Variants in ABCA13 observed in about 807,000 individuals in gnomAD.
ABCA13 encodes ATP binding cassette subfamily A member 13.
Under a neutral mutation model 478.7 loss-of-function variants are expected in ABCA13, and 476 were observed. The ratio of observed to expected loss-of-function variants is 0.99; its 90% CI spans 0.92 to 1.07. The LOEUF is 1.07. ABCA13 is among the 50% of genes least tolerant of loss of function. The pLI is 0.00. For missense variants in ABCA13, 6,060 were observed against 5,910.6 expected (o/e 1.03, Z -0.83); for synonymous variants, 2,252 against 2,158.9 (o/e 1.04, Z -1.20).
chr7:48,506,032 A>G (rs1442426428), intron 48 of ABCA13, among the ~76,000 whole-genome samples: 2 of 152,216 alleles, frequency 1.3e-5, no homozygotes, highest in African/African-American at 4.8e-5. Flanking sequence ...AACATAGGCT[A>G]TGGGATACTT....
At chr7:48,376,800 CA>C (rs1813552180) in intron 35 of ABCA13, among the ~76,000 whole-genome samples, 1 of 152,068 alleles carries the variant, frequency 6.6e-6, no homozygotes, top group South Asian at 2.1e-4. Flanking sequence ...ATGAAATTAG[CA>C]TGAAAACTCA....
intron 35 of ABCA13, 127 bp downstream of exon 35, chr7:48,376,699 T>C (rs2129036238): frequency 1.8e-6 from 2 of 1,111,108 alleles, no homozygotes; most frequent in Non-Finnish European, 2.5e-6. Flanking sequence ...TTAGGATATA[T>C]ATTTAAAAGG....
rs1796156718 is a variant in ABCA13, at chr7:48,275,331, A to G, written c.5665A>G (p.Ile1889Val). The G allele has an allele frequency of 6.2e-7, 1 of 1,613,964 alleles. No homozygotes were observed. Among genetic ancestry groups the G allele is most frequent in the Non-Finnish European group, 8.5e-7 (1 of 1,179,882 alleles). The change falls in exon 17 of 62, where the codon ATA (isoleucine) becomes GTA (valine). Residue 1889 changes from isoleucine to valine, a missense_variant. By Grantham distance (29) the Ile-to-Val change is conservative. Around this residue, in one of 3 missense-constraint regions of ABCA13, gnomAD observed 4,423 missense variants for 4,309.1 expected, o/e 1.03. Transcript: ENST00000435803. ...GGAAATAACTAGGAAAGTGGTCTGC[A>G]TAATTCATGAATTAGTGGACTGGAA... ...RMEITRKVVCIIHELVDWNSI... is the reference protein window; with the variant it reads ...RMEITRKVVCVIHELVDWNSI...
At chr7:48,257,835 G>C (rs1793621256) in intron 15 of ABCA13, among the ~76,000 whole-genome samples, 1 of 152,180 alleles carries the variant, frequency 6.6e-6, no homozygotes, top group South Asian at 2.1e-4. Context: ...GAGTTAGGGA[G>C]GGGTCCCTCC....
intron 1 of ABCA13, among the ~76,000 whole-genome samples, chr7:48,178,975 CTAATAATAATAATAATAATAATAA>C (rs369219799): frequency 7.0e-6 from 1 of 142,076 alleles, no homozygotes; most frequent in Non-Finnish European, 1.5e-5. Flanking sequence ...AAAACAAAAA[CTAATAATAATAATAATAATAATAA>C]TAATAATAAT....
At chr7:48,532,819 A>T (rs937927851) in intron 55 of ABCA13, among the ~76,000 whole-genome samples, 4 of 151,784 alleles carry the variant, frequency 2.6e-5, no homozygotes, top group Non-Finnish European at 5.9e-5. Context: ...ATTGAATAGT[A>T]TTTTTTATTT....
At chr7:48,257,986 C>T (rs113009585) in intron 15 of ABCA13, among the ~76,000 whole-genome samples, 4,518 of 152,160 alleles carry the variant, frequency 0.03, 219 homozygotes, top group African/African-American at 0.1. Flanking sequence ...TGAAGTGATG[C>T]AGTCGAGGCT....
At chr7:48,222,670 T>C (rs1157148509) in intron 5 of ABCA13, among the ~76,000 whole-genome samples, 2 of 152,304 alleles carry the variant, frequency 1.3e-5, no homozygotes, top group Middle Eastern at 3.4e-3. Flanking sequence ...ATGTTTGCGA[T>C]GTAAAAACAT....
chr7:48,251,286 T>C (rs1364649871), intron 15 of ABCA13, among the ~76,000 whole-genome samples: 1 of 152,214 alleles, frequency 6.6e-6, no homozygotes, highest in Non-Finnish European at 1.5e-5. Flanking sequence ...CAGAGAGTGA[T>C]ATGCAATAGT....
At chr7:48,421,178 T>C (rs1820693134) in intron 41 of ABCA13, among the ~76,000 whole-genome samples, 1 of 148,326 alleles carries the variant, frequency 6.7e-6, no homozygotes, top group Admixed American at 6.9e-5. Context: ...TTCCCACTCT[T>C]AAGTTAATTT....
chr7:48,553,835 T>C (rs1472265218), intron 55 of ABCA13, among the ~76,000 whole-genome samples: 2 of 152,074 alleles, frequency 1.3e-5, no homozygotes, highest in African/African-American at 4.8e-5. Context: ...TTTGTCTGTT[T>C]TTGCTTTGGA....
intron 58 of ABCA13, among the ~76,000 whole-genome samples, chr7:48,614,965 G>A (rs1333417637): frequency 2.0e-5 from 3 of 149,678 alleles, no homozygotes; most frequent in Non-Finnish European, 4.5e-5. Context: ...CAGCACACCA[G>A]CATGGCACAT....
intron 18 of ABCA13, among the ~76,000 whole-genome samples, chr7:48,280,421 T>C (rs1796881257): frequency 6.6e-6 from 1 of 152,204 alleles, no homozygotes. Context: ...CAAGCCCTCC[T>C]ATCGCTGAAA....
intron 1 of ABCA13, among the ~76,000 whole-genome samples, chr7:48,179,331 G>A (rs1795326550): frequency 6.6e-6 from 1 of 152,150 alleles, no homozygotes; most frequent in Non-Finnish European, 1.5e-5. Flanking sequence ...TGGAACTCTG[G>A]GGGGCTCCTT....
intron 58 of ABCA13, among the ~76,000 whole-genome samples, chr7:48,611,192 CA>C (rs772102722): frequency 2.0e-5 from 3 of 152,118 alleles, no homozygotes; most frequent in Non-Finnish European, 2.9e-5. Flanking sequence ...CTCCAGTTTC[CA>C]ATAAGTTTCT....
chr7:48,351,949 A>G (rs1809070908), intron 30 of ABCA13, among the ~76,000 whole-genome samples: 1 of 152,224 alleles, frequency 6.6e-6, no homozygotes, highest in African/African-American at 2.4e-5. Flanking sequence ...TTTATGAAAA[A>G]TACAAAGCAG....
At chr7:48,499,982 A>G (rs985726684) in intron 48 of ABCA13, among the ~76,000 whole-genome samples, 1 of 152,174 alleles carries the variant, frequency 6.6e-6, no homozygotes, top group Non-Finnish European at 1.5e-5. Flanking sequence ...ACTACAAATG[A>G]TTTTCCTAGT....
At position 48,506,369 on chromosome 7, in the gene ABCA13, C is replaced by A. The variant is rs373072464; in HGVS notation, c.13325C>A (p.Ala4442Asp). The A allele has an allele frequency of 1.9e-5, 31 of 1,613,600 alleles. No individual in the cohort carries two copies. Among genetic ancestry groups the A allele is most frequent in the Non-Finnish European group, 2.4e-5 (28 of 1,179,742 alleles). Residue 4442 changes from alanine (A) to aspartate (D), a missense_variant, in exon 49 of 62, where the codon GCC becomes GAC. Physicochemically the swap from Ala to Asp is moderately radical, Grantham distance 126. Coordinates refer to ENST00000435803, the MANE Select transcript of ABCA13 (RefSeq NM_152701.5). ...ITLYSHPYGG[A>D]LLNEDKILES... The stretch of plus-strand genomic sequence containing the variant: ...CTCTACAGCCACCCATATGGAGGGG[C>A]CTTGCTGAACGAGGACAAGATGTGA...
intron 20 of ABCA13, among the ~76,000 whole-genome samples, chr7:48,293,480 G>A (rs1024181989): frequency 3.3e-5 from 5 of 152,252 alleles, no homozygotes; most frequent in Admixed American, 2.6e-4. Context: ...GTGCAACCTG[G>A]AACTATGCTT....
Sources: gnomAD v4.1 joint callset for allele counts (sites outside exome capture counted in the v4.1 genomes callset) on GRCh38, gnomAD v4.1.1 for gene constraint, gnomAD v4.1.1 regional missense constraint, MANE v1.5 for transcripts, NCBI Gene and HGNC (gene_info 2026-07-23, HGNC 2026-07-21) for gene names.